Variants in WWC2 observed in about 807,000 individuals in gnomAD.
The protein encoded by WWC2 is WW and C2 domain containing 2.
WWC2 carries 101 observed loss-of-function variants against 138.5 expected under a neutral mutation model. The observed-to-expected ratio is 0.73, with a 90% confidence interval of 0.62 to 0.86. The LOEUF (loss-of-function observed/expected upper bound fraction) is 0.86. Among genes scored for constraint, WWC2 ranks in the 40% least tolerant of loss-of-function variants. The pLI, the probability that WWC2 is intolerant of heterozygous loss-of-function variation, is 0.00. For synonymous variants in WWC2, 558 were observed against 538.4 expected, an observed-to-expected ratio of 1.04 and a Z score of -0.50; for missense variants, 1,420 against 1,419.4, an observed-to-expected ratio of 1.00 and a Z score of -0.01.
chr4:183,213,594 A>G (rs79530274), intron 4 of WWC2, among the ~76,000 whole-genome samples: 2,542 of 152,328 alleles, frequency 0.017, 74 homozygotes, highest in African/African-American at 0.058. Context: ...TCTAAAATAT[A>G]TTTCATGTTA....
At chr4:183,236,860 A>G (rs1020616145) in intron 4 of WWC2, among the ~76,000 whole-genome samples, 2 of 152,148 alleles carry the variant, frequency 1.3e-5, no homozygotes, top group African/African-American at 2.4e-5. Context: ...GGACATTTTA[A>G]TAATATTGAT....
chr4:183,215,318 T>G (rs1735724759), intron 4 of WWC2, among the ~76,000 whole-genome samples: 1 of 152,224 alleles, frequency 6.6e-6, no homozygotes, highest in Non-Finnish European at 1.5e-5. Context: ...GCAGGCAACC[T>G]AAACTGCAGA....
intron 4 of WWC2, among the ~76,000 whole-genome samples, chr4:183,231,356 G>A (rs1407581443): frequency 1.6e-5 from 2 of 123,456 alleles, no homozygotes; most frequent in Non-Finnish European, 3.2e-5. Flanking sequence ...CACAACCTCC[G>A]CCTCCTGTGT....
At chr4:183,262,474 AATTG>A (rs767498143) in intron 11 of WWC2, among the ~76,000 whole-genome samples, 1 of 152,220 alleles carries the variant, frequency 6.6e-6, no homozygotes, top group Non-Finnish European at 1.5e-5. Context: ...AATTCTGAGT[AATTG>A]ATTGGCCAAT....
chr4:183,259,366 A>ATGGG (rs1737250585), intron 9 of WWC2, among the ~76,000 whole-genome samples: 1 of 152,138 alleles, frequency 6.6e-6, no homozygotes, highest in Admixed American at 6.5e-5. Flanking sequence ...TCAAAGGACC[A>ATGGG]TATTACTTAC....
chr4:183,132,738 C>T (rs956473829), intron 1 of WWC2, among the ~76,000 whole-genome samples: 1 of 152,126 alleles, frequency 6.6e-6, no homozygotes, highest in African/African-American at 2.4e-5. Flanking sequence ...CAGGCGTGAG[C>T]CACCGCGCCC....
At chr4:183,170,897 C>T (rs1289796467) in intron 1 of WWC2, among the ~76,000 whole-genome samples, 2 of 151,014 alleles carry the variant, frequency 1.3e-5, no homozygotes, top group East Asian at 1.9e-4. Context: ...CTAGACTGGT[C>T]TTGAACTCTG....
At chr4:183,216,521 A>T (rs1176378110) in intron 4 of WWC2, among the ~76,000 whole-genome samples, 1 of 152,212 alleles carries the variant, frequency 6.6e-6, no homozygotes, top group South Asian at 2.1e-4. Flanking sequence ...CTACCACAAG[A>T]ATTGCCCTCT....
chr4:183,311,235 T>G (rs1336197918), intron 21 of WWC2, among the ~76,000 whole-genome samples: 1 of 152,224 alleles, frequency 6.6e-6, no homozygotes, highest in East Asian at 1.9e-4. Flanking sequence ...AATGTGTCCA[T>G]GCACAGTACC....
intron 4 of WWC2, among the ~76,000 whole-genome samples, chr4:183,222,982 A>G (rs1735973676): frequency 6.6e-6 from 1 of 152,158 alleles, no homozygotes; most frequent in Non-Finnish European, 1.5e-5. Context: ...TAAAATAATA[A>G]AAATATAGTT....
chr4:183,166,103 T>C (rs991386789), intron 1 of WWC2, among the ~76,000 whole-genome samples: 8 of 152,242 alleles, frequency 5.3e-5, no homozygotes, highest in African/African-American at 1.9e-4. Context: ...TTTCTACTTC[T>C]AATTTTGTCC....
chr4:183,110,111 G>A (rs1464106329), intron 1 of WWC2, among the ~76,000 whole-genome samples: 1 of 152,202 alleles, frequency 6.6e-6, no homozygotes, highest in East Asian at 1.9e-4. Flanking sequence ...CTTTTGTGGT[G>A]TAGAGACAGC....
intron 16 of WWC2, among the ~76,000 whole-genome samples, chr4:183,279,798 T>G (rs1738005283): frequency 1.3e-5 from 2 of 152,230 alleles, no homozygotes; most frequent in Admixed American, 1.3e-4. Flanking sequence ...GCATCATTCC[T>G]TTTACTGCTT....
At chr4:183,226,373 C>T (rs1736074316) in intron 4 of WWC2, among the ~76,000 whole-genome samples, 1 of 150,696 alleles carries the variant, frequency 6.6e-6, no homozygotes, top group African/African-American at 2.5e-5. Flanking sequence ...CTTACACATA[C>T]TTTCAGTATA....
At chr4:183,177,671 G>A (rs1006759062) in intron 1 of WWC2, among the ~76,000 whole-genome samples, 2 of 151,968 alleles carry the variant, frequency 1.3e-5, no homozygotes, top group African/African-American at 4.8e-5. Context: ...AAAAAAAAGA[G>A]TAACATTTAT....
At chr4:183,102,543 A>G (rs1474969505) in intron 1 of WWC2, among the ~76,000 whole-genome samples, 1 of 152,206 alleles carries the variant, frequency 6.6e-6, no homozygotes, top group Non-Finnish European at 1.5e-5. Context: ...AAAGCCAGAC[A>G]GCTTGACTCT....
At chr4:183,314,837 C>G (rs188579176) in intron 22 of WWC2, among the ~76,000 whole-genome samples, 194 of 152,300 alleles carry the variant, frequency 1.3e-3, no homozygotes, top group Middle Eastern at 3.4e-3. Flanking sequence ...GTTCCAGTGT[C>G]CATAGTGTTC....
rs537982354 is a variant in WWC2, at chr4:183,318,773, C to G, written c.*3044C>G. Reference sequence around the variant, plus strand: ...GAATATGTGCTCTGTGGTCGCTGCGCCTGGGCTGGCAGTGTGCTCCACAGA... The same window carrying G: ...GAATATGTGCTCTGTGGTCGCTGCGGCTGGGCTGGCAGTGTGCTCCACAGA... On this transcript the variant is annotated 3_prime_UTR_variant, in exon 23 of 23. Transcript: ENST00000403733. 2.2e-4 allele frequency: 33 copies of G among 152,326 alleles called. No homozygotes were observed. Among genetic ancestry groups the G allele is most frequent in the African/African-American group, 7.9e-4 (33 of 41,562 alleles). 9.4% of individuals were successfully genotyped at this position (152,326 alleles called of 1,614,324 possible). A position where few individuals can be genotyped will look rare whatever the true frequency, so the allele number is the denominator to read the frequency against.
intron 1 of WWC2, among the ~76,000 whole-genome samples, chr4:183,173,860 G>C (rs1470613810): frequency 6.6e-6 from 1 of 152,176 alleles, no homozygotes; most frequent in Non-Finnish European, 1.5e-5. Flanking sequence ...GTCCTACTGA[G>C]ACAGCTCTCA....
Sources: gnomAD v4.1 joint callset for allele counts (sites outside exome capture counted in the v4.1 genomes callset) on GRCh38, gnomAD v4.1.1 for gene constraint, MANE v1.5 for transcripts, NCBI Gene and HGNC (gene_info 2026-07-23, HGNC 2026-07-21) for gene names.